GABBR2: variants seen among roughly 807,000 people sequenced by gnomAD.
GABBR2 encodes the protein G-protein coupled receptor 51.
In GABBR2, 23 loss-of-function variants were observed where a neutral mutation model predicts 105.6. The observed-to-expected ratio is 0.22, with a 90% CI of 0.16 to 0.31. The LOEUF is 0.31. GABBR2 is among the 10% of genes least tolerant of loss of function. The pLI, the probability that GABBR2 is intolerant of heterozygous loss-of-function variation, is 1.00. For missense variants in GABBR2, 734 were observed against 1,245.5 expected (o/e 0.59, Z 6.18); for synonymous variants, 478 against 499.7 (o/e 0.96, Z 0.58).
chr9:98,371,858 C>T (rs983672140), intron 11 of GABBR2, among the ~76,000 whole-genome samples: 2 of 151,188 alleles, frequency 1.3e-5, no homozygotes, highest in African/African-American at 4.9e-5. Flanking sequence ...CAGAGGGCCC[C>T]CAGGACTGCT....
intron 7 of GABBR2, among the ~76,000 whole-genome samples, chr9:98,441,017 T>C (rs1263977320): frequency 6.6e-6 from 1 of 152,190 alleles, no homozygotes; most frequent in Non-Finnish European, 1.5e-5. Context: ...TCTCTGAGTA[T>C]TTTCCTCAAT....
chr9:98,441,888 T>A (rs1427859871), intron 7 of GABBR2, among the ~76,000 whole-genome samples: 1 of 152,192 alleles, frequency 6.6e-6, no homozygotes, highest in Non-Finnish European at 1.5e-5. Context: ...GGAAAAAGTT[T>A]TATAATGTGA....
intron 13 of GABBR2, among the ~76,000 whole-genome samples, chr9:98,325,553 A>G (rs909813927): frequency 2.6e-5 from 4 of 151,996 alleles, no homozygotes; most frequent in Admixed American, 6.5e-5. Flanking sequence ...CGGTCTTCCA[A>G]AGTGCTGGGA....
intron 2 of GABBR2, among the ~76,000 whole-genome samples, chr9:98,563,996 G>T (rs969939054): frequency 2.0e-5 from 3 of 151,964 alleles, no homozygotes; most frequent in Non-Finnish European, 4.4e-5. Flanking sequence ...ACAACCAGTC[G>T]ATCTATTTTC....
chr9:98,561,662 C>T (rs1229961289), intron 2 of GABBR2, among the ~76,000 whole-genome samples: 1 of 152,098 alleles, frequency 6.6e-6, no homozygotes, highest in African/African-American at 2.4e-5. Flanking sequence ...GCAGGAGGCT[C>T]GATTGAGCCT....
At chr9:98,338,515 A>G (rs1442607892) in intron 13 of GABBR2, among the ~76,000 whole-genome samples, 1 of 152,250 alleles carries the variant, frequency 6.6e-6, no homozygotes, top group Non-Finnish European at 1.5e-5. Flanking sequence ...ATAAGCATGT[A>G]AAAAGACACT....
intron 2 of GABBR2, among the ~76,000 whole-genome samples, chr9:98,561,828 G>A (rs552578451): frequency 5.4e-4 from 83 of 152,318 alleles, no homozygotes; most frequent in African/African-American, 1.9e-3. Flanking sequence ...AGGTTACAGT[G>A]AGCTATGATC....
At chr9:98,490,103 T>C (rs533884666) in intron 4 of GABBR2, among the ~76,000 whole-genome samples, 1 of 152,304 alleles carries the variant, frequency 6.6e-6, no homozygotes, top group African/African-American at 2.4e-5. Context: ...GCAAAGCCCC[T>C]GTTCTGAGTT....
intron 13 of GABBR2, among the ~76,000 whole-genome samples, chr9:98,318,892 TGTGTGTGTGTGTGTGTGTGTGTTGGGG>T (rs1310184304): frequency 1.4e-4 from 16 of 111,484 alleles, no homozygotes; most frequent in African/African-American, 5.3e-4. Flanking sequence ...AATGTGAGTT[TGTGTGTGTGTGTGTGTGTGTGTTGGGG>T]GTGTGTGTGT....
intron 1 of GABBR2, among the ~76,000 whole-genome samples, chr9:98,644,123 G>A (rs368409804): frequency 1.3e-5 from 2 of 152,046 alleles, no homozygotes; most frequent in African/African-American, 4.8e-5. Context: ...TGACCCATCC[G>A]GATCTTCACA....
At chr9:98,600,308 T>C (rs1829307491) in intron 1 of GABBR2, among the ~76,000 whole-genome samples, 2 of 151,616 alleles carry the variant, frequency 1.3e-5, no homozygotes, top group Admixed American at 1.3e-4. Context: ...TCCCAGGGAG[T>C]ATTTCTAGCT....
chr9:98,542,916 T>G (rs1055803035), intron 2 of GABBR2, among the ~76,000 whole-genome samples: 9 of 152,210 alleles, frequency 5.9e-5, no homozygotes, highest in African/African-American at 2.2e-4. Flanking sequence ...GTTTATTTTT[T>G]GAGTGGTATT....
chr9:98,562,095 ACC>A (rs1214989057), intron 2 of GABBR2, among the ~76,000 whole-genome samples: 3 of 152,110 alleles, frequency 2.0e-5, no homozygotes, highest in African/African-American at 7.2e-5. Flanking sequence ...TACCACCTTA[ACC>A]AAGTGATCAA....
intron 13 of GABBR2, among the ~76,000 whole-genome samples, chr9:98,313,727 T>C (rs753978364): frequency 4.6e-5 from 7 of 151,562 alleles, no homozygotes; most frequent in Non-Finnish European, 1.0e-4. Flanking sequence ...CTCCTGAGGG[T>C]AAGGCATGGG....
At chr9:98,606,348 C>T (rs1281228564) in intron 1 of GABBR2, among the ~76,000 whole-genome samples, 1 of 152,202 alleles carries the variant, frequency 6.6e-6, no homozygotes, top group African/African-American at 2.4e-5. Context: ...GGAATCGCCA[C>T]ACTGTCTTCC....
At chr9:98,299,556 G>A (rs1830436182) in intron 16 of GABBR2, among the ~76,000 whole-genome samples, 2 of 152,212 alleles carry the variant, frequency 1.3e-5, no homozygotes, top group Non-Finnish European at 2.9e-5. Flanking sequence ...ATGATAAGAG[G>A]GACCTGGGCT....
chr9:98,508,316 G>A (rs1827556320), intron 3 of GABBR2, among the ~76,000 whole-genome samples: 1 of 152,206 alleles, frequency 6.6e-6, no homozygotes, highest in African/African-American at 2.4e-5. Context: ...AACAGCTCCG[G>A]TCTACAGTTC....
intron 6 of GABBR2, among the ~76,000 whole-genome samples, chr9:98,470,808 C>A (rs1826658361): frequency 6.6e-6 from 1 of 151,218 alleles, no homozygotes; most frequent in Non-Finnish European, 1.5e-5. Flanking sequence ...TTTTTTTTGG[C>A]ATTATTTTAA....
intron 1 of GABBR2, among the ~76,000 whole-genome samples, chr9:98,706,109 C>CAAAAAAAAAAAAAAAAAAAA (rs3983388): frequency 2.9e-5 from 4 of 136,996 alleles, no homozygotes; most frequent in East Asian, 2.1e-4. Flanking sequence ...ACAAAAAAAA[C>CAAAAAAAAAAAAAAAAAAAA]AAAAAAAAAA....
Sources: gnomAD v4.1 joint callset for allele counts (sites outside exome capture counted in the v4.1 genomes callset) on GRCh38, gnomAD v4.1.1 for gene constraint, MANE v1.5 for transcripts, NCBI Gene and HGNC (gene_info 2026-07-23, HGNC 2026-07-21) for gene names.